MTO1: variants seen among roughly 807,000 people sequenced by gnomAD.
MTO1 encodes the protein 5-taurinomethyluridine-[tRNA] synthase subunit MTO1, mitochondrial.
MTO1 carries 46 observed loss-of-function variants against 71.6 expected under a neutral mutation model. That is an observed-to-expected ratio of 0.64 (90% CI 0.51 to 0.82). MTO1 has a LOEUF of 0.82. Among genes scored for constraint, MTO1 ranks in the 40% least tolerant of loss-of-function variants. The probability of loss-of-function intolerance (pLI) is 0.00; values close to 1 mark genes in which losing one functional copy is unlikely to be tolerated. For synonymous variants in MTO1, 297 were observed against 312.1 expected, an observed-to-expected ratio of 0.95 and a Z score of 0.51; for missense variants, 773 against 867.5, an observed-to-expected ratio of 0.89 and a Z score of 1.37.
chr6:73,492,930 C>T (rs922180148), intron 10 of MTO1, among the ~76,000 whole-genome samples: 1 of 149,184 alleles, frequency 6.7e-6, no homozygotes, highest in Non-Finnish European at 1.5e-5. Context: ...ATAAGTGGTA[C>T]TGCAGAGTCC....
At position 73,470,497 on chromosome 6, in the gene MTO1, C is replaced by T. The variant is rs1034138240; in HGVS notation, c.536-2868C>T. Among the ~76,000 whole-genome samples, 7 of 152,070 alleles carry T rather than the reference C, an allele frequency of 4.6e-5. No individual in the cohort carries two copies. The East Asian group carries it at 5.8e-4, about 13-fold the overall frequency. ...CTGGGATTACAGGCATGAGCCACCG[C>T]GCGTGGCCCAGGAGTGTCATCTTTT... On this transcript the variant is annotated intron_variant, in intron 3 of 11. Coordinates refer to ENST00000498286, the MANE Select transcript of MTO1 (RefSeq NM_012123.4).
intron 9 of MTO1, among the ~76,000 whole-genome samples, chr6:73,485,170 G>A (rs1425438187): frequency 1.3e-5 from 2 of 152,090 alleles, no homozygotes; most frequent in Admixed American, 6.6e-5. Flanking sequence ...TATTGAGAGT[G>A]TGGGAAGTGA....
At chr6:73,487,417 C>G (rs1266881332) in intron 9 of MTO1, among the ~76,000 whole-genome samples, 1 of 151,696 alleles carries the variant, frequency 6.6e-6, no homozygotes, top group African/African-American at 2.4e-5. Flanking sequence ...GTCTCGAACT[C>G]CTGACCACCT....
Position 73,508,788 on chromosome 6 carries a change from T to G in MTO1, c.*8053T>G, listed in dbSNP as rs546293486. On this transcript the variant is annotated 3_prime_UTR_variant, in exon 12 of 12. Transcript: ENST00000498286. Reference sequence around the variant, plus strand: ...CAGATGTTTACTGGGTTGCTAGTTATATATAGAATCCTGCAAGAGGCTCAA... The same window carrying G: ...CAGATGTTTACTGGGTTGCTAGTTAGATATAGAATCCTGCAAGAGGCTCAA... 6.6e-5 allele frequency: 10 copies of G among 152,322 alleles called. No homozygotes were observed. The East Asian group carries it at 1.9e-3, about 29-fold the overall frequency. 9.4% of individuals were successfully genotyped at this position (152,322 alleles called of 1,614,324 possible).
Position 73,480,074 on chromosome 6 carries a change from G to A in MTO1, c.1077G>A (p.Glu359=), listed in dbSNP as rs527977706. 1.2e-6 allele frequency: 2 copies of A among 1,614,120 alleles called. No homozygotes were observed. Among genetic ancestry groups the A allele is most frequent in the South Asian group, 1.1e-5 (1 of 91,060 alleles). Residue 359 remains glutamate (E), a synonymous_variant, in exon 6 of 12, where the codon GAG becomes GAA. Coordinates refer to ENST00000498286, the MANE Select transcript of MTO1 (RefSeq NM_012123.4). ...LSMTLPAELQ[E]KMITCIRGLE... ...TGACGCTACCAGCTGAGTTACAAGA[G>A]AAAATGATCACATGCATCAGAGGCT...
rs144134827 is a variant in MTO1, at chr6:73,482,085, C to A, written c.1306C>A (p.Pro436Thr). ...INASLRVSRKPPFVVSRTEGY... is the reference protein window; with the variant it reads ...INASLRVSRKTPFVVSRTEGY... ...CGCCAGTCTTCGGGTCAGTCGCAAG[C>A]CTCCCTTTGTGGTTAGCCGAACAGA... Residue 436 changes from proline to threonine, a missense_variant, in exon 8 of 12, where the codon CCT (proline) becomes ACT (threonine). Pro to Thr is a conservative substitution (Grantham distance 38). Coordinates refer to ENST00000498286, the MANE Select transcript of MTO1 (RefSeq NM_012123.4). The A allele has an allele frequency of 4.5e-5, 73 of 1,614,126 alleles. No individual in the cohort carries two copies. In the East Asian group the frequency reaches 1.6e-3, roughly 36 times the overall value.
At chr6:73,500,254 T>A (rs1772119419) in intron 11 of MTO1, among the ~76,000 whole-genome samples, 1 of 152,190 alleles carries the variant, frequency 6.6e-6, no homozygotes, top group African/African-American at 2.4e-5. Flanking sequence ...TGGACCTGTA[T>A]TTGAAGAAAG....
At chr6:73,478,723 G>A (rs550580297) in intron 4 of MTO1, among the ~76,000 whole-genome samples, 3 of 151,154 alleles carry the variant, frequency 2.0e-5, no homozygotes, top group Admixed American at 1.3e-4. Flanking sequence ...GATTTTTTTA[G>A]TAGAGACAGA....
chr6:73,463,177 C>A (rs1402892536), intron 1 of MTO1, among the ~76,000 whole-genome samples: 2 of 151,994 alleles, frequency 1.3e-5, no homozygotes, highest in Non-Finnish European at 2.9e-5. Context: ...GCACCCACCA[C>A]CACGCCCGGC....
intron 9 of MTO1, among the ~76,000 whole-genome samples, chr6:73,488,630 C>A (rs1771724217): frequency 6.6e-6 from 1 of 151,888 alleles, no homozygotes; most frequent in African/African-American, 2.4e-5. Context: ...TTAATGTAGG[C>A]TGGGCATGGT....
rs150401403 is a variant in MTO1, at chr6:73,479,490, G to A, written c.826-242G>A. On this transcript the variant is annotated intron_variant, in intron 4 of 11. Coordinates refer to ENST00000498286, the MANE Select transcript of MTO1 (RefSeq NM_012123.4). ...AGCCTGGGCAACAGAGTGAGACTCC[G>A]TCTCAAAAAATAAAAACATTAAAAA... Among the ~76,000 whole-genome samples, 16 of 152,104 alleles carry A rather than the reference G, an allele frequency of 1.1e-4. No homozygotes were observed. In the South Asian group the frequency reaches 1.5e-3, roughly 14 times the overall value.
chr6:73,466,518 T>C lies in MTO1; in HGVS notation c.447T>C (p.Thr149=), dbSNP rs1582670857. ...AAATCTTGAATACACCACTGCTTAC[T>C]GTTCAGGAGGGAGCTGTAGAAGATC... The part of the protein sequence containing the change: ...QKEILNTPLL[T]VQEGAVEDLI... Residue 149 remains threonine (T), a synonymous_variant, in exon 3 of 12, where the codon ACT becomes ACC. Transcript: ENST00000498286. The C allele has an allele frequency of 6.2e-7, 1 of 1,614,196 alleles. No individual in the cohort carries two copies. Among genetic ancestry groups the C allele is most frequent in the African/African-American group, 1.3e-5 (1 of 75,058 alleles).
intron 9 of MTO1, among the ~76,000 whole-genome samples, chr6:73,484,486 G>A (rs1323363466): frequency 6.6e-6 from 1 of 152,054 alleles, no homozygotes; most frequent in East Asian, 1.9e-4. Flanking sequence ...CCACTTATAA[G>A]CGCCAGAACC....
Position 73,500,782 on chromosome 6 carries a change from C to A in MTO1, c.*47C>A. ...TTAAAGAGCATATAAATAATTTGAT[C>A]AATACAACAGTATAGATAAAAGAAT... On this transcript the variant is annotated 3_prime_UTR_variant, in exon 12 of 12. Transcript: ENST00000498286. 6.9e-7 allele frequency: 1 copy of A among 1,445,358 alleles called. No homozygotes were observed. Among genetic ancestry groups the A allele is most frequent in the South Asian group, 1.4e-5 (1 of 69,158 alleles). 89.5% of individuals were successfully genotyped at this position (1,445,358 alleles called of 1,614,324 possible). A position where few individuals can be genotyped will look rare whatever the true frequency, so the allele number is the denominator to read the frequency against.
Position 73,506,897 on chromosome 6 carries a change from C to T in MTO1, c.*6162C>T, listed in dbSNP as rs1421219160. ...AGAGACAGAGTTTCACCATGTTGGCCAGGCTAGTCTTGAACTCCTGACCTC... is the reference window on the plus strand; with the variant it reads ...AGAGACAGAGTTTCACCATGTTGGCTAGGCTAGTCTTGAACTCCTGACCTC... On this transcript the variant is annotated 3_prime_UTR_variant, in exon 12 of 12. Coordinates refer to ENST00000498286, the MANE Select transcript of MTO1 (RefSeq NM_012123.4). 1 of 147,740 alleles carries T rather than the reference C, an allele frequency of 6.8e-6. No homozygotes were observed. 9.2% of individuals were successfully genotyped at this position (147,740 alleles called of 1,614,324 possible).
intron 9 of MTO1, 110 bp downstream of exon 9, chr6:73,482,730 T>G: frequency 1.2e-6 from 1 of 860,776 alleles, no homozygotes; most frequent in Non-Finnish European, 1.7e-6. Flanking sequence ...TTCAAATGAA[T>G]GTAGCTTGTT....
At chr6:73,463,709 T>C (rs74415103) in intron 1 of MTO1, among the ~76,000 whole-genome samples, 1,768 of 152,212 alleles carry the variant, frequency 0.012, 41 homozygotes, top group African/African-American at 0.04. Context: ...ATTATACTTT[T>C]CTCATCATAC....
intron 9 of MTO1, among the ~76,000 whole-genome samples, chr6:73,491,089 G>C (rs942604098): frequency 3.9e-5 from 6 of 152,114 alleles, no homozygotes; most frequent in Non-Finnish European, 7.3e-5. Context: ...AGTTGCCTGG[G>C]AATTTTAGTA....
intron 10 of MTO1, among the ~76,000 whole-genome samples, 167 bp downstream of exon 10, chr6:73,492,519 C>G (rs973479742): frequency 4.5e-4 from 68 of 152,020 alleles, no homozygotes; most frequent in African/African-American, 1.6e-3. Flanking sequence ...GTTAGAAATA[C>G]AGAATCTTGG....
Sources: gnomAD v4.1 joint callset for allele counts (sites outside exome capture counted in the v4.1 genomes callset) on GRCh38, gnomAD v4.1.1 for gene constraint, MANE v1.5 for transcripts, NCBI Gene and HGNC (gene_info 2026-07-23, HGNC 2026-07-21) for gene names.